Variants in GNA14 observed in about 807,000 individuals in gnomAD.
GNA14 encodes guanine nucleotide-binding protein subunit alpha-14.
A neutral mutation model predicts 42.0 loss-of-function variants in GNA14; 50 were observed. The observed-to-expected ratio is 1.19, with a 90% CI of 0.95 to 1.51. The LOEUF is 1.51. Ranked by LOEUF, GNA14 falls within the 40% of genes most tolerant of loss-of-function variation. GNA14 has a pLI of 0.00. For missense variants in GNA14, 473 were observed against 446.2 expected (o/e 1.06, Z -0.54); for synonymous variants, 173 against 163.1 (o/e 1.06, Z -0.46).
chr9:77,545,748 TC>T (rs147251841), intron 1 of GNA14, among the ~76,000 whole-genome samples: 13,649 of 152,184 alleles, frequency 0.09, 652 homozygotes, highest in Middle Eastern at 0.16. Flanking sequence ...CTCCTAAGGT[TC>T]CAAGAAGAAG....
chr9:77,598,665 G>A (rs117713762), intron 1 of GNA14, among the ~76,000 whole-genome samples: 150 of 152,274 alleles, frequency 9.9e-4, no homozygotes, highest in Non-Finnish European at 1.7e-3. Context: ...GTAAAAAGCA[G>A]GGAACTAGGG....
At chr9:77,431,291 C>G in intron 4 of GNA14, 30 bp downstream of exon 4, 2 of 1,606,346 alleles carry the variant, frequency 1.2e-6, no homozygotes, top group African/African-American at 2.7e-5. Flanking sequence ...TGGGCAGATT[C>G]TTCATGGTAC....
intron 1 of GNA14, among the ~76,000 whole-genome samples, chr9:77,571,435 C>T (rs1459845739): frequency 6.6e-6 from 1 of 152,112 alleles, no homozygotes; most frequent in Non-Finnish European, 1.5e-5. Flanking sequence ...ACTATGTCAT[C>T]CAATATGGTG....
At chr9:77,454,135 C>T (rs1351855094) in intron 2 of GNA14, among the ~76,000 whole-genome samples, 1 of 152,206 alleles carries the variant, frequency 6.6e-6, no homozygotes, top group Non-Finnish European at 1.5e-5. Flanking sequence ...CCACTACCTG[C>T]GTAGTTCCAC....
chr9:77,569,600 C>T (rs1823028796), intron 1 of GNA14, among the ~76,000 whole-genome samples: 1 of 152,002 alleles, frequency 6.6e-6, no homozygotes, highest in African/African-American at 2.4e-5. Context: ...AGGGGCTGCT[C>T]CAGGGAGGAA....
chr9:77,440,656 C>T (rs184049391), intron 2 of GNA14, among the ~76,000 whole-genome samples: 1 of 152,258 alleles, frequency 6.6e-6, no homozygotes, highest in Admixed American at 6.5e-5. Context: ...TGTATTACCT[C>T]ACATGCTTAT....
At chr9:77,493,026 A>ATATATATATATATATATATAT (rs1261356124) in intron 2 of GNA14, among the ~76,000 whole-genome samples, 13 of 51,608 alleles carry the variant, frequency 2.5e-4, no homozygotes, top group Non-Finnish European at 3.0e-4. Context: ...AAAAAAAAAA[A>ATATATATATATATATATATAT]ATATATATAT....
At chr9:77,493,026 A>ATAT (rs1261356124) in intron 2 of GNA14, among the ~76,000 whole-genome samples, 22 of 51,706 alleles carry the variant, frequency 4.3e-4, no homozygotes, top group South Asian at 6.4e-4. Flanking sequence ...AAAAAAAAAA[A>ATAT]ATATATATAT....
chr9:77,484,357 A>G (rs373965612), intron 2 of GNA14, among the ~76,000 whole-genome samples: 172 of 152,324 alleles, frequency 1.1e-3, no homozygotes, highest in African/African-American at 3.8e-3. Context: ...CTTGGAAAAA[A>G]TTAAAACGTG....
chr9:77,468,337 G>C (rs1836272753), intron 2 of GNA14, among the ~76,000 whole-genome samples: 1 of 152,134 alleles, frequency 6.6e-6, no homozygotes, highest in Non-Finnish European at 1.5e-5. Flanking sequence ...ATTTTTACCA[G>C]TTAAATGGCT....
intron 1 of GNA14, among the ~76,000 whole-genome samples, chr9:77,582,472 G>T (rs1823240843): frequency 6.6e-6 from 1 of 152,120 alleles, no homozygotes; most frequent in Admixed American, 6.5e-5. Flanking sequence ...CTGTCCACCT[G>T]CCTCCCCTGA....
At position 77,425,579 on chromosome 9, in the gene GNA14, T is replaced by C. The variant is rs61755085; in HGVS notation, c.860A>G (p.Tyr287Cys). 3,334 of 1,606,044 alleles carry C rather than the reference T, an allele frequency of 2.1e-3. 6 individuals are homozygous for C. The highest frequency in any genetic ancestry group is 2.4e-3 in the Non-Finnish European group (2,857 of 1,175,216). ...ACACTTACCTGTGTATTCTGGGAAA[T>C]AGCTAATTAGATGAGAGTACATGAT... is the stretch of plus-strand genomic sequence containing the variant. The part of the protein sequence containing the change: ...EKIMYSHLIS[Y>C]FPEYTGPKQD... The change falls in exon 6 of 7, where the codon TAT becomes TGT. Residue 287 changes from tyrosine (Y) to cysteine (C), a missense_variant. Transcript: ENST00000341700.
At chr9:77,642,591 C>A (rs1644167590) in intron 1 of GNA14, among the ~76,000 whole-genome samples, 1 of 152,060 alleles carries the variant, frequency 6.6e-6, no homozygotes, top group South Asian at 2.1e-4. Flanking sequence ...CATGGTGAAA[C>A]CCTGTCTCTA....
chr9:77,635,446 TTCTAG>T (rs1824168770), intron 1 of GNA14: 1 of 152,234 alleles, frequency 6.6e-6, no homozygotes, highest in African/African-American at 2.4e-5. Flanking sequence ...GAGGTTTCTT[TTCTAG>T]TCTAATTTTA....
At chr9:77,461,146 G>GC (rs907061175) in intron 2 of GNA14, among the ~76,000 whole-genome samples, 1 of 152,142 alleles carries the variant, frequency 6.6e-6, no homozygotes, top group Admixed American at 6.5e-5. Context: ...CTCTCACCAG[G>GC]CCCCCGCGGA....
At chr9:77,617,561 T>C (rs1478012404) in intron 1 of GNA14, among the ~76,000 whole-genome samples, 2 of 152,086 alleles carry the variant, frequency 1.3e-5, no homozygotes, top group African/African-American at 4.8e-5. Flanking sequence ...GCCTCCACCA[T>C]TACCACATGT....
chr9:77,517,016 T>C (rs1359193707), intron 2 of GNA14, among the ~76,000 whole-genome samples: 1 of 152,148 alleles, frequency 6.6e-6, no homozygotes, highest in African/African-American at 2.4e-5. Flanking sequence ...CTGGTGCAGT[T>C]TGGACCTTTC....
intron 2 of GNA14, among the ~76,000 whole-genome samples, chr9:77,512,333 T>G (rs1209591701): frequency 6.6e-6 from 1 of 152,200 alleles, no homozygotes; most frequent in African/African-American, 2.4e-5. Flanking sequence ...ATATCTTAAT[T>G]TTAAACTGCT....
At chr9:77,561,835 C>A (rs1822888317) in intron 1 of GNA14, among the ~76,000 whole-genome samples, 2 of 152,212 alleles carry the variant, frequency 1.3e-5, no homozygotes, top group African/African-American at 4.8e-5. Flanking sequence ...TTTCCTTCAG[C>A]TGACTAATTA....
Sources: gnomAD v4.1 joint callset for allele counts (sites outside exome capture counted in the v4.1 genomes callset) on GRCh38, gnomAD v4.1.1 for gene constraint, MANE v1.5 for transcripts, NCBI Gene and HGNC (gene_info 2026-07-23, HGNC 2026-07-21) for gene names.